The following OR9Q1 variants were observed in gnomAD, a reference collection of about 807,000 sequenced individuals.
OR9Q1 encodes olfactory receptor family 9 subfamily Q member 1.
For synonymous variants in OR9Q1, 153 were observed against 148.6 expected, an observed-to-expected ratio of 1.03 and a Z score of -0.22; for missense variants, 374 against 378.8, an observed-to-expected ratio of 0.99 and a Z score of 0.11.
intron 2 of OR9Q1, among the ~76,000 whole-genome samples, chr11:58,113,481 C>G (rs1416225603): frequency 6.6e-6 from 1 of 152,288 alleles, no homozygotes; most frequent in Non-Finnish European, 1.5e-5. Flanking sequence ...TCATTACCCC[C>G]CTCATTGTAC....
At position 58,073,879 on chromosome 11, in the gene OR9Q1, A is replaced by C. The variant is rs940265344; in HGVS notation, c.-15+17932A>C. Among the ~76,000 whole-genome samples, 7 of 152,268 alleles carry C rather than the reference A, an allele frequency of 4.6e-5. No individual in the cohort carries two copies. In the South Asian group the frequency reaches 6.2e-4, roughly 14 times the overall value. ...CATGTGTTCTCATTGTTCAACACCTACTTATGAGTGAGAACATGCAGTGTT... is the reference window on the plus strand; with the variant it reads ...CATGTGTTCTCATTGTTCAACACCTCCTTATGAGTGAGAACATGCAGTGTT... On this transcript the variant is annotated intron_variant, in intron 2 of 2. Transcript: ENST00000335397.
At chr11:58,126,953 G>A (rs1368983678) in intron 2 of OR9Q1, among the ~76,000 whole-genome samples, 1 of 152,042 alleles carries the variant, frequency 6.6e-6, no homozygotes, top group Non-Finnish European at 1.5e-5. Flanking sequence ...TATTGTTATT[G>A]TTATTGTTAA....
intron 1 of OR9Q1, among the ~76,000 whole-genome samples, chr11:58,053,632 A>ATATATATTATATATATATAAAT (rs1554965508): frequency 2.0e-4 from 24 of 118,680 alleles, no homozygotes; most frequent in South Asian, 5.0e-4. Flanking sequence ...TATATAAAAT[A>ATATATATTATATATATATAAAT]TATATATATA....
chr11:58,137,148 CT>C (rs1446300887), intron 2 of OR9Q1, among the ~76,000 whole-genome samples: 1 of 152,142 alleles, frequency 6.6e-6, no homozygotes, highest in Admixed American at 6.5e-5. Flanking sequence ...ATCAATACCT[CT>C]TTCCAAAAGA....
At position 58,180,081 on chromosome 11, in the gene OR9Q1, G is replaced by T; in HGVS notation, c.637G>T (p.Val213Leu). 2 of 1,613,924 alleles carry T rather than the reference G, an allele frequency of 1.2e-6. No individual in the cohort carries two copies. The highest frequency in any genetic ancestry group is 1.7e-6 in the Non-Finnish European group (2 of 1,179,962). Residue 213 changes from valine to leucine, a missense_variant, in exon 3 of 3, where the codon GTG becomes TTG. By Grantham distance (32) the Val-to-Leu change is conservative. Coordinates refer to ENST00000335397, the MANE Select transcript of OR9Q1 (RefSeq NM_001005212.4). ...TTTTGTCATCCCTGCTTCCATGGTG[G>T]TGATCTTGGTGTCCTACCTGTTTAT... ...AIFVIPASMV[V>L]ILVSYLFIIV...
At chr11:58,048,127 C>A (rs948616630) in intron 1 of OR9Q1, among the ~76,000 whole-genome samples, 22 of 152,250 alleles carry the variant, frequency 1.4e-4, no homozygotes, top group Admixed American at 3.9e-4. Flanking sequence ...TGAATAGGAA[C>A]CTATCCAGTT....
intron 2 of OR9Q1, among the ~76,000 whole-genome samples, chr11:58,176,370 C>G (rs1351557469): frequency 6.6e-6 from 1 of 152,212 alleles, no homozygotes; most frequent in Admixed American, 6.5e-5. Context: ...TATGTAGGTG[C>G]CTAGTGAGAA....
chr11:58,180,754 C>T lies in OR9Q1; in HGVS notation c.*377C>T, dbSNP rs1854657857. Reference sequence around the variant, plus strand: ...TGTAGGAAGTTTCCTATACTCAGTACTGAGATTGTGTAATTGCTAATATTT... The same window carrying T: ...TGTAGGAAGTTTCCTATACTCAGTATTGAGATTGTGTAATTGCTAATATTT... On this transcript the variant is annotated 3_prime_UTR_variant, in exon 3 of 3. Transcript: ENST00000335397. 1 of 176,654 alleles carries T rather than the reference C, an allele frequency of 5.7e-6. No homozygotes were observed. The highest frequency in any genetic ancestry group is 1.3e-5 in the Non-Finnish European group (1 of 74,472). The allele number at this position is 176,654 out of a possible 1,614,324, so 10.9% of individuals were successfully genotyped here. A position where few individuals can be genotyped will look rare whatever the true frequency, so the allele number is the denominator to read the frequency against.
intron 2 of OR9Q1, among the ~76,000 whole-genome samples, chr11:58,083,279 T>C (rs1287708331): frequency 6.6e-6 from 1 of 151,996 alleles, no homozygotes; most frequent in Non-Finnish European, 1.5e-5. Context: ...CCTTTCCCCA[T>C]TGCTTGTTTT....
intron 1 of OR9Q1, among the ~76,000 whole-genome samples, chr11:58,048,313 A>G (rs1326949114): frequency 6.6e-6 from 1 of 152,162 alleles, no homozygotes; most frequent in African/African-American, 2.4e-5. Flanking sequence ...TTTGATCATT[A>G]CATATTGTAT....
At chr11:58,072,348 TATTC>T (rs1853496266) in intron 2 of OR9Q1, 1 of 152,994 alleles carries the variant, frequency 6.5e-6, no homozygotes. Context: ...ATTAAATCAT[TATTC>T]TTTCTTCAGT....
At chr11:58,137,446 C>T (rs1333391459) in intron 2 of OR9Q1, among the ~76,000 whole-genome samples, 1 of 152,132 alleles carries the variant, frequency 6.6e-6, no homozygotes, top group East Asian at 1.9e-4. Context: ...AAAAATGATG[C>T]TACAAAGAGG....
In OR9Q1 at chr11:58,081,259, A is replaced by C. The variant is rs563127920; in HGVS notation, c.-15+25312A>C. Among the ~76,000 whole-genome samples, 6 of 152,306 alleles carry C rather than the reference A, an allele frequency of 3.9e-5. No homozygotes were observed. The South Asian group carries it at 1.2e-3, about 32-fold the overall frequency. On this transcript the variant is annotated intron_variant, in intron 2 of 2. Transcript: ENST00000335397. ...TGGTTCCAAGTCTTTGCTATTGTGAATAGTGCTGCAATTAACATACATGTG... is the reference window on the plus strand; with the variant it reads ...TGGTTCCAAGTCTTTGCTATTGTGACTAGTGCTGCAATTAACATACATGTG...
At position 58,027,100 on chromosome 11, in the gene OR9Q1, G is replaced by T. The variant is rs1215256064; in HGVS notation, c.-93+2996G>T. 2.0e-5 allele frequency among the ~76,000 whole-genome samples: 3 copies of T among 152,218 alleles called. No individual in the cohort carries two copies. The East Asian group carries it at 5.8e-4, about 29-fold the overall frequency. On this transcript the variant is annotated intron_variant, in intron 1 of 2. Coordinates refer to ENST00000335397, the MANE Select transcript of OR9Q1 (RefSeq NM_001005212.4). ...TCAAGAAAAGCTTCCCTTGCAGTTTGTTAATTAGCATTAGGGTAGGGGGAG... is the reference window on the plus strand; with the variant it reads ...TCAAGAAAAGCTTCCCTTGCAGTTTTTTAATTAGCATTAGGGTAGGGGGAG...
At chr11:58,140,732 C>T (rs967872385) in intron 2 of OR9Q1, among the ~76,000 whole-genome samples, 6 of 152,138 alleles carry the variant, frequency 3.9e-5, no homozygotes, top group African/African-American at 1.4e-4. Context: ...ATGCCTCCAG[C>T]TTTGTTCTTT....
At position 58,128,017 on chromosome 11, in the gene OR9Q1, T is replaced by A. The variant is rs796459374; in HGVS notation, c.-14-51414T>A. ...TTTCTACCATTTAAATTGAAAAAAA[T>A]TTTTGACACTAACTCTGAAGTATTC... On this transcript the variant is annotated intron_variant, in intron 2 of 2. Transcript: ENST00000335397. 6.6e-5 allele frequency among the ~76,000 whole-genome samples: 10 copies of A among 152,212 alleles called. No individual in the cohort carries two copies. In the South Asian group the frequency reaches 1.5e-3, roughly 22 times the overall value.
At chr11:58,179,012 A>AGAGAGAGAGAGAGAGAGAG (rs1854633335) in intron 2 of OR9Q1, among the ~76,000 whole-genome samples, 1 of 132,454 alleles carries the variant, frequency 7.5e-6, no homozygotes, top group Non-Finnish European at 1.6e-5. Context: ...GAAAGAAAGA[A>AGAGAGAGAGAGAGAGAGAG]AGAGAGAGAG....
At chr11:58,131,511 T>C (rs993856778) in intron 2 of OR9Q1, among the ~76,000 whole-genome samples, 9 of 152,126 alleles carry the variant, frequency 5.9e-5, no homozygotes, top group Admixed American at 2.0e-4. Flanking sequence ...TATATAATAT[T>C]TATAACATTA....
At chr11:58,167,196 A>G (rs1435493065) in intron 2 of OR9Q1, among the ~76,000 whole-genome samples, 1 of 152,232 alleles carries the variant, frequency 6.6e-6, no homozygotes, top group Non-Finnish European at 1.5e-5. Context: ...ATTTTTAAAT[A>G]TAATATGCCA....
Sources: gnomAD v4.1 joint callset for allele counts (sites outside exome capture counted in the v4.1 genomes callset) on GRCh38, gnomAD v4.1.1 for gene constraint, MANE v1.5 for transcripts, NCBI Gene and HGNC (gene_info 2026-07-23, HGNC 2026-07-21) for gene names.